The following OPHN1 variants were observed in gnomAD, a reference collection of about 807,000 sequenced individuals.
The protein encoded by OPHN1 is oligophrenin 1, also known as oligophrenin-1.
In OPHN1, 11 loss-of-function variants were observed where a neutral mutation model predicts 60.7. The ratio of observed to expected loss-of-function variants is 0.18; its 90% CI spans 0.11 to 0.30. The LOEUF is 0.30. Ranked by LOEUF, OPHN1 falls within the 10% of genes least tolerant of loss-of-function variation. The pLI, the probability that OPHN1 is intolerant of heterozygous loss-of-function variation, is 1.00. For missense variants in OPHN1, 449 were observed against 611.0 expected, an observed-to-expected ratio of 0.73 and a Z score of 2.80; for synonymous variants, 226 against 222.6, an observed-to-expected ratio of 1.02 and a Z score of -0.14.
At chrX:68,174,759 G>A (rs1336425790) in intron 15 of OPHN1, among the ~76,000 whole-genome samples, 2 of 109,934 alleles carry the variant, frequency 1.8e-5, no homozygotes, top group African/African-American at 3.3e-5. Flanking sequence ...GGTATGAATC[G>A]CTCAGCCCAG....
chrX:68,267,293 G>A (rs746884962), intron 5 of OPHN1, among the ~76,000 whole-genome samples: 1 of 111,515 alleles, frequency 9.0e-6, no homozygotes, highest in African/African-American at 3.3e-5. Flanking sequence ...GCACTCCTCA[G>A]CACATGTAAA....
intron 4 of OPHN1, among the ~76,000 whole-genome samples, chrX:68,278,848 T>G (rs1375682636): frequency 9.0e-6 from 1 of 111,150 alleles, no homozygotes; most frequent in African/African-American, 3.3e-5. Context: ...ATCACGCCAC[T>G]GCACTCCAGC....
chrX:68,113,336 T>C, intron 16 of OPHN1, 97 bp from the exon 17 acceptor site: 2 of 646,498 alleles, frequency 3.1e-6, no homozygotes, highest in Non-Finnish European at 5.1e-6. Flanking sequence ...TCCTGAGCCC[T>C]ACAGCTTAGT....
chrX:68,383,655 C>T (rs1035209515), intron 2 of OPHN1, among the ~76,000 whole-genome samples: 7 of 98,857 alleles, frequency 7.1e-5, no homozygotes, highest in African/African-American at 1.5e-4. Context: ...TCCTCCAAAG[C>T]GAAACTCAAC....
intron 5 of OPHN1, among the ~76,000 whole-genome samples, chrX:68,268,175 C>T (rs769335617): frequency 2.7e-5 from 3 of 111,163 alleles, no homozygotes; most frequent in African/African-American, 9.8e-5. Context: ...AGGAGCAGCT[C>T]GTACCATTCC....
At chrX:68,164,942 C>G (rs1294690712) in intron 15 of OPHN1, among the ~76,000 whole-genome samples, 2 of 112,567 alleles carry the variant, frequency 1.8e-5, no homozygotes, top group South Asian at 7.3e-4. Context: ...GTTATAGAGA[C>G]AGCTTCTTTC....
chrX:68,117,092 ATT>A (rs1350803393), intron 16 of OPHN1, among the ~76,000 whole-genome samples: 2 of 111,617 alleles, frequency 1.8e-5, no homozygotes, highest in African/African-American at 6.5e-5. Context: ...TTTAAGATAA[ATT>A]TAGACCCTAA....
intron 2 of OPHN1, among the ~76,000 whole-genome samples, chrX:68,331,605 C>T: frequency 9.2e-6 from 1 of 108,534 alleles, no homozygotes; most frequent in Non-Finnish European, 1.9e-5. Flanking sequence ...GTGGCAGGCA[C>T]CTGTAATCCC....
At position 68,126,555 on chromosome X, in the gene OPHN1, G is replaced by A. The variant is rs191156481; in HGVS notation, c.1277-7223C>T. ...TGCCTACCAGGTTCAAGCGATTCTC[G>A]TGCCTCAGCCTCCTGAGTAGCTGGG... On this transcript the variant is annotated intron_variant, in intron 15 of 24. Coordinates refer to ENST00000355520, the MANE Select transcript of OPHN1 (RefSeq NM_002547.3). 6.9e-3 allele frequency among the ~76,000 whole-genome samples: 765 copies of A among 110,276 alleles called. 30 individuals are homozygous for A. Among genetic ancestry groups the A allele is most frequent in the Admixed American group, 0.062 (642 of 10,322 alleles).
In OPHN1 at chrX:68,071,417, G is replaced by A. The variant is rs1427603786; in HGVS notation, c.1834+1735C>T. The A allele has an allele frequency of 1.2e-5, 10 of 815,241 alleles. No individual in the cohort carries two copies. The Admixed American group carries it at 1.8e-4, about 14-fold the overall frequency. 67.2% of individuals were successfully genotyped at this position (815,241 alleles called of 1,213,427 possible). A position where few individuals can be genotyped will look rare whatever the true frequency, so the allele number is the denominator to read the frequency against. On this transcript the variant is annotated intron_variant, in intron 20 of 24. Transcript: ENST00000355520. ...ACATGAAAGTGGAGGTTCTCCAGCA[G>A]GATGACAGACCCAGCAGCTGGGTTG... is the stretch of plus-strand genomic sequence containing the variant.
intron 5 of OPHN1, among the ~76,000 whole-genome samples, chrX:68,262,452 C>A (rs955488705): frequency 3.6e-5 from 4 of 111,671 alleles, no homozygotes; most frequent in Non-Finnish European, 7.5e-5. Flanking sequence ...TAGGGTTAGT[C>A]TGATGAAACT....
At chrX:68,057,235 C>T (rs1346401602) in intron 21 of OPHN1, among the ~76,000 whole-genome samples, 2 of 111,707 alleles carry the variant, frequency 1.8e-5, no homozygotes, top group Non-Finnish European at 3.8e-5. Context: ...GGACCCCACC[C>T]TCATACGTCC....
intron 15 of OPHN1, among the ~76,000 whole-genome samples, chrX:68,178,452 G>A (rs1436762248): frequency 9.0e-6 from 1 of 111,640 alleles, no homozygotes; most frequent in Non-Finnish European, 1.9e-5. Context: ...CACCTGGGCT[G>A]AAGTGCAGTG....
intron 23 of OPHN1, among the ~76,000 whole-genome samples, 169 bp from the exon 24 acceptor site, chrX:68,048,626 G>A (rs2076840297): frequency 8.9e-6 from 1 of 112,045 alleles, no homozygotes; most frequent in South Asian, 3.7e-4. Context: ...TTATAGTTGG[G>A]GCTCCTTCTC....
At chrX:68,360,810 A>C (rs2078468734) in intron 2 of OPHN1, among the ~76,000 whole-genome samples, 1 of 110,824 alleles carries the variant, frequency 9.0e-6, no homozygotes, top group African/African-American at 3.3e-5. Context: ...ACAAACAAAA[A>C]CCACCAAAAA....
At chrX:68,373,906 G>T (rs1488201409) in intron 2 of OPHN1, among the ~76,000 whole-genome samples, 1 of 108,876 alleles carries the variant, frequency 9.2e-6, no homozygotes, top group Non-Finnish European at 1.9e-5. Flanking sequence ...ATTGGGGGAA[G>T]AAAAAAAAAC....
chrX:68,090,887 A>C (rs1269097221), intron 19 of OPHN1, among the ~76,000 whole-genome samples: 1 of 111,713 alleles, frequency 9.0e-6, no homozygotes, highest in Non-Finnish European at 1.9e-5. Flanking sequence ...ATTATCTCAA[A>C]AATAATCAAC....
At chrX:68,294,341 C>T (rs780142634) in intron 3 of OPHN1, among the ~76,000 whole-genome samples, 32 of 108,376 alleles carry the variant, frequency 3.0e-4, no homozygotes, top group Non-Finnish European at 4.4e-4. Flanking sequence ...CATGTATTTA[C>T]GCATGCCTGT....
chrX:68,225,788 G>A (rs2077688244), intron 6 of OPHN1, among the ~76,000 whole-genome samples: 1 of 112,093 alleles, frequency 8.9e-6, no homozygotes, highest in Non-Finnish European at 1.9e-5. Context: ...GAGCAGAAAA[G>A]CTGAAAATTC....
Sources: allele counts gnomAD v4.1 joint callset (sites outside exome capture counted in the v4.1 genomes callset), GRCh38; gene constraint gnomAD v4.1.1; transcripts MANE v1.5; gene names NCBI Gene and HGNC (gene_info 2026-07-23, HGNC 2026-07-21).